Variants in GRM7 observed in about 807,000 individuals in gnomAD.
GRM7 encodes glutamate metabotropic receptor 7, also known as metabotropic glutamate receptor 7.
Under a neutral mutation model 84.5 loss-of-function variants are expected in GRM7, and 35 were observed. The ratio of observed to expected loss-of-function variants is 0.41; its 90% CI spans 0.32 to 0.55. The LOEUF (loss-of-function observed/expected upper bound fraction) is 0.55. Ranked by LOEUF, GRM7 falls within the 20% of genes least tolerant of loss-of-function variation. The pLI, the probability that GRM7 is intolerant of heterozygous loss-of-function variation, is 0.19. For missense variants in GRM7, 1,003 were observed against 1,194.6 expected, an observed-to-expected ratio of 0.84 and a Z score of 2.36; for synonymous variants, 487 against 455.1, an observed-to-expected ratio of 1.07 and a Z score of -0.89.
In GRM7 at chr3:7,579,143, T is replaced by C; in HGVS notation, c.2237T>C (p.Val746Ala). Reference sequence around the variant, plus strand: ...ATGAACCCTGAGCAAGCCAGAGGGGTTCTCAAGTGTGACATTACAGATCTC... The same window carrying C: ...ATGAACCCTGAGCAAGCCAGAGGGGCTCTCAAGTGTGACATTACAGATCTC... ...KTMNPEQARG[V>A]LKCDITDLQI... The change falls in exon 8 of 10, where the codon GTT (valine) becomes GCT (alanine). Residue 746 changes from valine (V) to alanine (A), a missense_variant. By Grantham distance (64) the Val-to-Ala change is moderately conservative (BLOSUM62 0). Coordinates refer to ENST00000357716, the MANE Select transcript of GRM7 (RefSeq NM_000844.4). 1 of 1,613,494 alleles carries C rather than the reference T, an allele frequency of 6.2e-7. No individual in the cohort carries two copies. Among genetic ancestry groups the C allele is most frequent in the Non-Finnish European group, 8.5e-7 (1 of 1,179,652 alleles).
At chr3:7,466,354 T>C (rs1698459407) in intron 7 of GRM7, among the ~76,000 whole-genome samples, 1 of 152,176 alleles carries the variant, frequency 6.6e-6, no homozygotes, top group Non-Finnish European at 1.5e-5. Flanking sequence ...GAACTGGATC[T>C]TTTGAAGGTT....
intron 1 of GRM7, among the ~76,000 whole-genome samples, chr3:7,025,272 T>G (rs536723788): frequency 1.3e-5 from 2 of 152,172 alleles, no homozygotes; most frequent in South Asian, 4.1e-4. Flanking sequence ...AGTTCTCCCT[T>G]GCCATATAAT....
At chr3:7,208,799 A>G (rs1485130801) in intron 2 of GRM7, among the ~76,000 whole-genome samples, 1 of 152,178 alleles carries the variant, frequency 6.6e-6, no homozygotes, top group Non-Finnish European at 1.5e-5. Context: ...TGAGTGTAAG[A>G]GCAAAGGTGG....
At chr3:6,973,536 T>C (rs966573309) in intron 1 of GRM7, among the ~76,000 whole-genome samples, 6 of 152,126 alleles carry the variant, frequency 3.9e-5, no homozygotes, top group African/African-American at 9.7e-5. Context: ...TATCAAGTGA[T>C]GATAAGTGCC....
intron 7 of GRM7, among the ~76,000 whole-genome samples, chr3:7,491,355 A>G (rs1028320619): frequency 6.6e-6 from 1 of 152,010 alleles, no homozygotes; most frequent in Non-Finnish European, 1.5e-5. Flanking sequence ...TTTTCCATTT[A>G]TCTAGTTCTT....
chr3:7,601,143 G>A (rs1411679752), intron 8 of GRM7, among the ~76,000 whole-genome samples: 1 of 152,182 alleles, frequency 6.6e-6, no homozygotes, highest in South Asian at 2.1e-4. Context: ...TAAACCTGCT[G>A]CCTTGATCTT....
At chr3:7,164,166 C>T (rs1193595592) in intron 2 of GRM7, among the ~76,000 whole-genome samples, 2 of 152,280 alleles carry the variant, frequency 1.3e-5, no homozygotes, top group East Asian at 3.9e-4. Context: ...CAAGACCAGC[C>T]TGGCCAACAT....
intron 8 of GRM7, among the ~76,000 whole-genome samples, chr3:7,669,697 A>G (rs1365981714): frequency 6.6e-6 from 1 of 152,222 alleles, no homozygotes; most frequent in African/African-American, 2.4e-5. Context: ...AGGACTTTTT[A>G]GATCCCTCAG....
intron 4 of GRM7, among the ~76,000 whole-genome samples, chr3:7,367,306 T>G (rs1693937165): frequency 6.6e-6 from 1 of 151,902 alleles, no homozygotes; most frequent in African/African-American, 2.4e-5. Context: ...CAGTGATTTT[T>G]TTTTGCCTTT....
At chr3:7,670,724 T>TTA (rs796301847) in intron 8 of GRM7, among the ~76,000 whole-genome samples, 1 of 254 alleles carries the variant, frequency 3.9e-3, no homozygotes, top group South Asian at 0.25. Context: ...TCAGATTAAT[T>TTA]CTTTAAACTA....
At chr3:7,577,939 A>G (rs1436806112) in intron 7 of GRM7, among the ~76,000 whole-genome samples, 1 of 152,136 alleles carries the variant, frequency 6.6e-6, no homozygotes, top group Non-Finnish European at 1.5e-5. Flanking sequence ...AAAATAAAAC[A>G]CCTAACAAAG....
intron 1 of GRM7, among the ~76,000 whole-genome samples, chr3:6,975,562 A>G (rs1693956427): frequency 1.3e-5 from 2 of 152,210 alleles, no homozygotes; most frequent in African/African-American, 4.8e-5. Context: ...GACCCACTAA[A>G]CACACAAAAT....
In GRM7 at chr3:7,317,083, A is replaced by T. The variant is rs531217768; in HGVS notation, c.1033+10431A>T. Among the ~76,000 whole-genome samples the T allele has an allele frequency of 3.3e-5, 5 of 152,300 alleles. No individual in the cohort carries two copies. In the East Asian group the frequency reaches 9.6e-4, roughly 29 times the overall value. ...TCAGCTTCATCAATGTACTGCTGCG[A>T]AGTTAGGCAGAAGTACTGAGAATTG... On this transcript the variant is annotated intron_variant, in intron 4 of 9. Transcript: ENST00000357716.
intron 1 of GRM7, among the ~76,000 whole-genome samples, chr3:7,052,762 T>C (rs1697056455): frequency 6.7e-6 from 1 of 149,966 alleles, no homozygotes; most frequent in African/African-American, 2.5e-5. Context: ...TATTTTTTTG[T>C]TTGAATACAT....
intron 2 of GRM7, among the ~76,000 whole-genome samples, chr3:7,193,744 A>G (rs1695792300): frequency 6.6e-6 from 1 of 151,978 alleles, no homozygotes; most frequent in Non-Finnish European, 1.5e-5. Flanking sequence ...GTGATTTATT[A>G]AGTTAAAAAC....
intron 1 of GRM7, among the ~76,000 whole-genome samples, chr3:6,903,766 A>C (rs2125007734): frequency 6.6e-6 from 1 of 152,280 alleles, no homozygotes; most frequent in Non-Finnish European, 1.5e-5. Context: ...CTTTAACCGT[A>C]TCCTTAACCA....
At chr3:7,096,957 C>G (rs186496123) in intron 1 of GRM7, among the ~76,000 whole-genome samples, 1 of 152,110 alleles carries the variant, frequency 6.6e-6, no homozygotes, top group African/African-American at 2.4e-5. Flanking sequence ...ATAGTAGAAA[C>G]GTGAAACATC....
chr3:7,234,321 T>C (rs1382444623), intron 2 of GRM7, among the ~76,000 whole-genome samples: 2 of 152,202 alleles, frequency 1.3e-5, no homozygotes, highest in Non-Finnish European at 2.9e-5. Context: ...AAGATAGTGA[T>C]TAATTCACAT....
At position 7,503,687 on chromosome 3, in the gene GRM7, C is replaced by T. The variant is rs184971660; in HGVS notation, c.1515+41965C>T. ...GTATGTTAGAAGGGATTGGAAATGTCGGCATGTTTGTCACTGTTGTTTTTT... is the reference window on the plus strand; with the variant it reads ...GTATGTTAGAAGGGATTGGAAATGTTGGCATGTTTGTCACTGTTGTTTTTT... On this transcript the variant is annotated intron_variant, in intron 7 of 9. Coordinates refer to ENST00000357716, the MANE Select transcript of GRM7 (RefSeq NM_000844.4). Among the ~76,000 whole-genome samples, 19 of 152,160 alleles carry T rather than the reference C, an allele frequency of 1.2e-4. No homozygotes were observed. In the South Asian group the frequency reaches 2.1e-3, roughly 17 times the overall value.
Sources: allele counts gnomAD v4.1 joint callset (sites outside exome capture counted in the v4.1 genomes callset), GRCh38; gene constraint gnomAD v4.1.1; transcripts MANE v1.5; gene names NCBI Gene and HGNC (gene_info 2026-07-23, HGNC 2026-07-21).